The following PTPRN variants were observed in gnomAD, a reference collection of about 807,000 sequenced individuals.
The protein encoded by PTPRN is receptor-type tyrosine-protein phosphatase-like N.
A neutral mutation model predicts 108.5 loss-of-function variants in PTPRN; 70 were observed. The observed-to-expected ratio is 0.65, with a 90% CI of 0.53 to 0.79. The LOEUF is 0.79. Among genes scored for constraint, PTPRN ranks in the 30% least tolerant of loss-of-function variants. PTPRN has a pLI of 0.00. For missense variants in PTPRN, 1,136 were observed against 1,295.5 expected, an observed-to-expected ratio of 0.88 and a Z score of 1.89; for synonymous variants, 496 against 524.6, an observed-to-expected ratio of 0.95 and a Z score of 0.75.
In PTPRN at chr2:219,297,920, C is replaced by T. The variant is rs762625583; in HGVS notation, c.1852G>A (p.Glu618Lys). 1.2e-6 allele frequency: 2 copies of T among 1,612,430 alleles called. No homozygotes were observed. Among genetic ancestry groups the T allele is most frequent in the Non-Finnish European group, 1.7e-6 (2 of 1,179,768 alleles). Residue 618 changes from glutamate (E) to lysine (K), a missense_variant, in exon 13 of 23, where the codon GAG becomes AAG. Physicochemically the swap from Glu to Lys is moderately conservative, Grantham distance 56 (BLOSUM62 1). Transcript: ENST00000295718. The surrounding 1 kb of genome is among the most constrained non-coding windows in gnomAD (Gnocchi z 6.0). Reference protein sequence around the residue: ...DKERLAALGPEGAHGDTTFEY... With the variant: ...DKERLAALGPKGAHGDTTFEY... Reference sequence around the variant, plus strand: ...AAGGTAGTGTCACCATGGGCCCCCTCAGGCCCCAGGGCTGCCAGGCGCTCC... The same window carrying T: ...AAGGTAGTGTCACCATGGGCCCCCTTAGGCCCCAGGGCTGCCAGGCGCTCC...
At chr2:219,295,408 A>G in intron 18 of PTPRN, 1 of 466,590 alleles carries the variant, frequency 2.1e-6, no homozygotes, top group Admixed American at 4.3e-5. Flanking sequence ...AGGGTCTACC[A>G]GAGTATCGGT....
In PTPRN at chr2:219,297,431, G is replaced by T. The variant is rs1430304870; in HGVS notation, c.1890C>A (p.Asp630Glu). ...TCGTGGCCATGTGCTGGCGGCACAG[G>T]TCCTGTGGAGGAAGAATCAGGTGAG... ...AHGDTTFEYQDLCRQHMATKS... is the reference protein window; with the variant it reads ...AHGDTTFEYQELCRQHMATKS... The change falls in exon 14 of 23, where the codon GAC becomes GAA. Residue 630 changes from aspartate to glutamate, a missense_variant and splice_region_variant. By Grantham distance (45) the Asp-to-Glu change is conservative. Transcript: ENST00000295718. The surrounding 1 kb of genome is among the most constrained non-coding windows in gnomAD (Gnocchi z 6.0). 6.2e-7 allele frequency: 1 copy of T among 1,613,968 alleles called. No individual in the cohort carries two copies. The highest frequency in any genetic ancestry group is 8.5e-7 in the Non-Finnish European group (1 of 1,180,034).
intron 3 of PTPRN, 114 bp from the exon 4 acceptor site, chr2:219,303,945 G>T: frequency 1.3e-6 from 1 of 741,964 alleles, no homozygotes; most frequent in Non-Finnish European, 2.1e-6. Context: ...GTTTGTCAGA[G>T]TAGAGGGACA....
intron 3 of PTPRN, among the ~76,000 whole-genome samples, chr2:219,306,607 A>G (rs1214170398): frequency 6.6e-6 from 1 of 152,150 alleles, no homozygotes; most frequent in Non-Finnish European, 1.5e-5. Context: ...ATGTCCATAC[A>G]TTCCCCTATG....
In PTPRN at chr2:219,301,607, C is replaced by T; in HGVS notation, c.1107G>A (p.Lys369=). Residue 369 remains lysine (K), a synonymous_variant, in exon 7 of 23, where the codon AAG becomes AAA. Coordinates refer to ENST00000295718, the MANE Select transcript of PTPRN (RefSeq NM_002846.4). ...ACTTACCCGGATTTCTTCCTGCACC[C>T]TTGGGCAGTAGCTGCAGCAGGGTCA... is the stretch of plus-strand genomic sequence containing the variant. ...TLLTLLQLLP[K]GAGRNPGGVV... 6.2e-7 allele frequency: 1 copy of T among 1,612,176 alleles called. No homozygotes were observed. Among genetic ancestry groups the T allele is most frequent in the Non-Finnish European group, 8.5e-7 (1 of 1,178,388 alleles).
In PTPRN at chr2:219,296,721, G is replaced by T; in HGVS notation, c.2310+28C>A. Reference sequence around the variant, plus strand: ...AGGGCCAGGATAATGATGGGGCAGAGGTGGGGGCTGGAGTCAGGGCCACTC... The same window carrying T: ...AGGGCCAGGATAATGATGGGGCAGATGTGGGGGCTGGAGTCAGGGCCACTC... On this transcript the variant is annotated intron_variant, in intron 16 of 22. Coordinates refer to ENST00000295718, the MANE Select transcript of PTPRN (RefSeq NM_002846.4). This position sits in a 1 kb window ranked among gnomAD's most constrained non-coding sequence, Gnocchi z 6.0. 3 of 1,612,236 alleles carry T rather than the reference G, an allele frequency of 1.9e-6. No individual in the cohort carries two copies. Among genetic ancestry groups the T allele is most frequent in the Non-Finnish European group, 2.5e-6 (3 of 1,178,978 alleles).
Position 219,298,852 on chromosome 2 carries a change from A to C in PTPRN, c.1668+195T>G, listed in dbSNP as rs549401220. 9 of 674,966 alleles carry C rather than the reference A, an allele frequency of 1.3e-5. No homozygotes were observed. In the African/African-American group the frequency reaches 1.4e-4, roughly 11 times the overall value. 41.8% of individuals were successfully genotyped at this position (674,966 alleles called of 1,614,324 possible). On this transcript the variant is annotated intron_variant, in intron 12 of 22. Transcript: ENST00000295718. ...TTTTACTACAGAGGGCTGGTCCTGCAGGGAGGGGACACCTACGCCATCTGC... is the reference window on the plus strand; with the variant it reads ...TTTTACTACAGAGGGCTGGTCCTGCCGGGAGGGGACACCTACGCCATCTGC...
Position 219,302,788 on chromosome 2 carries a change from G to A in PTPRN, c.427C>T (p.Gln143Ter), listed in dbSNP as rs724159910. 6.2e-7 allele frequency: 1 copy of A among 1,613,596 alleles called. No individual in the cohort carries two copies. The change falls in exon 5 of 23, where the codon CAG (glutamine) becomes TAG (stop). Residue 143 changes from glutamine to a stop codon, truncating the protein, a stop_gained. Coordinates refer to ENST00000295718, the MANE Select transcript of PTPRN (RefSeq NM_002846.4). LOFTEE classifies it high-confidence loss of function. ...RPGPAGELLL[Q>*]DIPTGSAPAA... is the part of the protein sequence containing the mutation. Reference sequence around the variant, plus strand: ...GGGGCGGAGCCAGTGGGGATGTCCTGTAAAAGCAGCTCTCCAGCAGGACCA... The same window carrying A: ...GGGGCGGAGCCAGTGGGGATGTCCTATAAAAGCAGCTCTCCAGCAGGACCA...
chr2:219,302,689 GA>G lies in PTPRN; in HGVS notation c.525del (p.Leu176CysfsTer24), dbSNP rs1952385830. 6.2e-7 allele frequency: 1 copy of G among 1,613,302 alleles called. No homozygotes were observed. The highest frequency in any genetic ancestry group is 1.7e-5 in the Admixed American group (1 of 59,940). On this transcript the variant is annotated frameshift_variant, in exon 5 of 23. Transcript: ENST00000295718. LOFTEE classifies it high-confidence loss of function. ...AGAGGCGGGAGCAGCTCAGCCTGCA[GA>G]GGGGACAGAGAGGAGCTGGCCCCAG... is the stretch of plus-strand genomic sequence containing the variant. ...GGAGASSSLS[P>X]LQAELLPPLL...
At chr2:219,298,236 T>C (rs1286861037) in intron 12 of PTPRN, 133 bp from the exon 13 acceptor site, 16 of 838,500 alleles carry the variant, frequency 1.9e-5, no homozygotes, top group Non-Finnish European at 3.0e-5. Flanking sequence ...AGGGGTATGG[T>C]GGTACAGCCA....
intron 8 of PTPRN, 61 bp from the exon 9 acceptor site, chr2:219,300,320 A>C: frequency 6.7e-7 from 1 of 1,487,648 alleles, no homozygotes; most frequent in Non-Finnish European, 9.0e-7. Flanking sequence ...GGTACCCTGG[A>C]CTCGGAGCTC....
At chr2:219,294,915 G>A (rs1952146088) in intron 19 of PTPRN, 60 bp downstream of exon 19, 2 of 1,375,046 alleles carry the variant, frequency 1.5e-6, no homozygotes, top group Non-Finnish European at 1.9e-6. Context: ...CGAGCGGCGG[G>A]CGGACCCCGG....
chr2:219,294,916 C>A (rs1167728828), intron 19 of PTPRN, 59 bp downstream of exon 19: 11 of 1,374,616 alleles, frequency 8.0e-6, no homozygotes, highest in Non-Finnish European at 1.0e-5. Flanking sequence ...GAGCGGCGGG[C>A]GGACCCCGGC....
At position 219,290,417 on chromosome 2, in the gene PTPRN, T is replaced by A; in HGVS notation, c.2869-120A>T. 7.2e-7 allele frequency: 1 copy of A among 1,396,732 alleles called. No homozygotes were observed. The allele number at this position is 1,396,732 out of a possible 1,614,324, so 86.5% of individuals were successfully genotyped here. A position where few individuals can be genotyped will look rare whatever the true frequency, so the allele number is the denominator to read the frequency against. The stretch of plus-strand genomic sequence containing the variant: ...AGGTCCCCTGGGAGGAAGGGAGCCC[T>A]CCTGGAGGAGGCGCAGAAGCAGGTG... On this transcript the variant is annotated intron_variant, in intron 22 of 22. Transcript: ENST00000295718. This position sits in a 1 kb window ranked among gnomAD's most constrained non-coding sequence, Gnocchi z 4.2.
chr2:219,301,775 G>A (rs1952354385), intron 6 of PTPRN, 56 bp from the exon 7 acceptor site: 1 of 1,560,068 alleles, frequency 6.4e-7, no homozygotes. Flanking sequence ...CTTGAGGGAT[G>A]CAGATGAGTG....
chr2:219,307,663 C>T (rs1223832857), intron 2 of PTPRN, 106 bp from the exon 3 acceptor site: 1 of 1,450,894 alleles, frequency 6.9e-7, no homozygotes, highest in Non-Finnish European at 9.6e-7. Flanking sequence ...TACCTCTCCT[C>T]CTCCAGGCAA....
chr2:219,309,216 A>G lies in PTPRN; in HGVS notation c.115+2T>C. 1 of 1,427,372 alleles carries G rather than the reference A, an allele frequency of 7.0e-7. No individual in the cohort carries two copies. Among genetic ancestry groups the G allele is most frequent in the Non-Finnish European group, 9.4e-7 (1 of 1,061,952 alleles). The allele number at this position is 1,427,372 out of a possible 1,614,324, so 88.4% of individuals were successfully genotyped here. A position where few individuals can be genotyped will look rare whatever the true frequency, so the allele number is the denominator to read the frequency against. On this transcript the variant is annotated splice_donor_variant, in intron 1 of 22. Transcript: ENST00000295718. LOFTEE classifies it high-confidence loss of function. ...ACCCGCCAGCCCAAGTTTCCTCCTG[A>G]CCGTGGGCACTAACGGCGCTGCAGC... is the stretch of plus-strand genomic sequence containing the variant.
intron 20 of PTPRN, among the ~76,000 whole-genome samples, chr2:219,291,260 A>G (rs1040176572): frequency 6.6e-6 from 1 of 152,220 alleles, no homozygotes. Context: ...TGTGGGCCAC[A>G]TACAGTTTGT....
Position 219,290,731 on chromosome 2 carries a change from G to A in PTPRN, c.2794+95C>T. On this transcript the variant is annotated intron_variant, in intron 21 of 22. Transcript: ENST00000295718. This position sits in a 1 kb window ranked among gnomAD's most constrained non-coding sequence, Gnocchi z 4.2. ...GAGGGCTGGGCAGAGCCTGGAGGTT[G>A]ACAACCTGCTCCTTCTGAGCTCCCA... 5 of 1,518,256 alleles carry A rather than the reference G, an allele frequency of 3.3e-6. No homozygotes were observed. The highest frequency in any genetic ancestry group is 4.6e-6 in the Non-Finnish European group (5 of 1,096,390). 94.0% of individuals were successfully genotyped at this position (1,518,256 alleles called of 1,614,324 possible).
Sources: allele counts gnomAD v4.1 joint callset (sites outside exome capture counted in the v4.1 genomes callset), GRCh38; gene constraint gnomAD v4.1.1; non-coding constraint Gnocchi (gnomAD v3.1); transcripts MANE v1.5; gene names NCBI Gene and HGNC (gene_info 2026-07-23, HGNC 2026-07-21).